Variants in HSD17B6 observed in about 807,000 individuals in gnomAD.
The protein encoded by HSD17B6 is 17-beta-hydroxysteroid dehydrogenase type 6.
In HSD17B6, 16 loss-of-function variants were observed where a neutral mutation model predicts 26.4. That is an observed-to-expected ratio of 0.61 (90% CI 0.41 to 0.92). HSD17B6 has a LOEUF of 0.92. HSD17B6 is among the 40% of genes least tolerant of loss of function. The pLI, the probability that HSD17B6 is intolerant of heterozygous loss-of-function variation, is 0.00. For synonymous variants in HSD17B6, 139 were observed against 153.0 expected, an observed-to-expected ratio of 0.91 and a Z score of 0.68; for missense variants, 357 against 386.1, an observed-to-expected ratio of 0.92 and a Z score of 0.63.
In HSD17B6 at chr12:56,787,032, T is replaced by C. The variant is rs1448618284; in HGVS notation, c.737-93T>C. ...GCACATTCTAGATCATTCTATTTTG[T>C]AGAAATTAGATGTGGTGAGACTTCT... On this transcript the variant is annotated intron_variant, in intron 4 of 4. Coordinates refer to ENST00000322165, the MANE Select transcript of HSD17B6 (RefSeq NM_003725.4). 4.3e-6 allele frequency: 4 copies of C among 922,290 alleles called. No homozygotes were observed. The African/African-American group carries it at 4.9e-5, about 11-fold the overall frequency. 57.1% of individuals were successfully genotyped at this position (922,290 alleles called of 1,614,324 possible).
rs751335033 is a variant in HSD17B6, at chr12:56,773,929, A to G, written c.77A>G (p.His26Arg). Residue 26 changes from histidine to arginine, a missense_variant, in exon 2 of 5, where the codon CAC becomes CGC. Physicochemically the swap from His to Arg is conservative, Grantham distance 29. Coordinates refer to ENST00000322165, the MANE Select transcript of HSD17B6 (RefSeq NM_003725.4). ...TACCGGGAGAGGCAGGTGGTGAGCC[A>G]CCTCCAAGACAAGTATGTCTTTATC... ...HWYRERQVVSHLQDKYVFITG... is the reference protein window; with the variant it reads ...HWYRERQVVSRLQDKYVFITG... The G allele has an allele frequency of 1.2e-6, 2 of 1,613,688 alleles. No individual in the cohort carries two copies. The highest frequency in any genetic ancestry group is 2.2e-5 in the East Asian group (1 of 44,888).
In HSD17B6 at chr12:56,776,477, AT is replaced by A. The variant is rs558997765; in HGVS notation, c.313+2320del. Among the ~76,000 whole-genome samples, 22 of 149,914 alleles carry A rather than the reference AT, an allele frequency of 1.5e-4. No homozygotes were observed. In the East Asian group the frequency reaches 2.7e-3, roughly 19 times the overall value. On this transcript the variant is annotated intron_variant, in intron 2 of 4. Transcript: ENST00000322165. ...CACCACCATGCCTGGCTAATTAAAA[AT>A]TTTTTTTCTTTTAGAGACGTCATCT...
intron 2 of HSD17B6, among the ~76,000 whole-genome samples, chr12:56,780,773 C>CG (rs1954698690): frequency 1.5e-5 from 2 of 135,490 alleles, no homozygotes; most frequent in African/African-American, 2.8e-5. Context: ...GGGGTGAACC[C>CG]GGGGGGTGGA....
intron 2 of HSD17B6, among the ~76,000 whole-genome samples, chr12:56,780,629 C>T (rs529076002): frequency 2.0e-5 from 3 of 152,080 alleles, no homozygotes; most frequent in African/African-American, 4.8e-5. Flanking sequence ...GAGGCCGAGG[C>T]GGGCAGATCA....
intron 2 of HSD17B6, among the ~76,000 whole-genome samples, chr12:56,776,296 T>A (rs934941986): frequency 9.7e-5 from 14 of 144,682 alleles, no homozygotes; most frequent in Non-Finnish European, 1.8e-4. Flanking sequence ...GATTCCTTCA[T>A]GTCTTGCCTT....
intron 3 of HSD17B6, among the ~76,000 whole-genome samples, chr12:56,783,193 G>A (rs1183348068): frequency 6.6e-6 from 1 of 151,898 alleles, no homozygotes; most frequent in African/African-American, 2.4e-5. Flanking sequence ...GGGCAGAGGG[G>A]CTCCTCACTT....
chr12:56,782,848 C>G (rs916041756), intron 3 of HSD17B6, among the ~76,000 whole-genome samples: 21 of 151,746 alleles, frequency 1.4e-4, no homozygotes, highest in South Asian at 4.2e-4. Context: ...TGACTCTTAA[C>G]GAGCATGCTG....
intron 3 of HSD17B6, among the ~76,000 whole-genome samples, chr12:56,783,810 G>A (rs1354511210): frequency 2.0e-5 from 3 of 151,012 alleles, no homozygotes; most frequent in Admixed American, 6.6e-5. Flanking sequence ...GGCTGGCCGG[G>A]CGGGGGCTGA....
At chr12:56,781,620 G>A (rs986462297) in intron 2 of HSD17B6, among the ~76,000 whole-genome samples, 4 of 152,058 alleles carry the variant, frequency 2.6e-5, no homozygotes, top group Non-Finnish European at 5.9e-5. Context: ...TAGCCAACAT[G>A]GTGAAACCCC....
intron 1 of HSD17B6, 137 bp from the exon 2 acceptor site, chr12:56,773,697 C>G: frequency 1.3e-6 from 1 of 778,798 alleles, no homozygotes; most frequent in Non-Finnish European, 1.9e-6. Context: ...AGACTGTGGC[C>G]CCTTGAGGGT....
chr12:56,778,918 G>A (rs2137919076), intron 2 of HSD17B6, among the ~76,000 whole-genome samples: 1 of 151,590 alleles, frequency 6.6e-6, no homozygotes, highest in South Asian at 2.1e-4. Flanking sequence ...CTCGGGATCC[G>A]CTCGTCTTGG....
At chr12:56,764,521 G>T (rs1284216556) in intron 1 of HSD17B6, among the ~76,000 whole-genome samples, 4 of 152,174 alleles carry the variant, frequency 2.6e-5, no homozygotes, top group Non-Finnish European at 4.4e-5. Flanking sequence ...ACATTCCCAT[G>T]GCACAGTTTC....
intron 1 of HSD17B6, among the ~76,000 whole-genome samples, chr12:56,765,660 C>G (rs1293620767): frequency 1.3e-5 from 2 of 150,882 alleles, no homozygotes; most frequent in Admixed American, 1.3e-4. Context: ...TACAGGCACT[C>G]CCCACCATGC....
At chr12:56,781,241 A>G (rs1215473228) in intron 2 of HSD17B6, among the ~76,000 whole-genome samples, 1 of 151,942 alleles carries the variant, frequency 6.6e-6, no homozygotes, top group Non-Finnish European at 1.5e-5. Flanking sequence ...CATATGTTAC[A>G]TGTTTTTACT....
intron 1 of HSD17B6, among the ~76,000 whole-genome samples, chr12:56,766,300 T>G (rs544696462): frequency 1.7e-3 from 262 of 152,304 alleles, no homozygotes; most frequent in African/African-American, 6.2e-3. Context: ...ATCTCTTCAC[T>G]GGGACGCGTG....
At chr12:56,767,697 TATTA>T (rs1954368698) in intron 1 of HSD17B6, among the ~76,000 whole-genome samples, 1 of 144,842 alleles carries the variant, frequency 6.9e-6, no homozygotes, top group African/African-American at 2.5e-5. Flanking sequence ...ATAGAGGGTA[TATTA>T]TATATACACA....
chr12:56,781,832 T>C (rs1304150982), intron 2 of HSD17B6, 142 bp from the exon 3 acceptor site: 1 of 840,906 alleles, frequency 1.2e-6, no homozygotes, highest in African/African-American at 1.7e-5. Flanking sequence ...CAAACTTGTA[T>C]GTTATATCAT....
chr12:56,777,845 G>C (rs1954626586), intron 2 of HSD17B6, among the ~76,000 whole-genome samples: 1 of 152,096 alleles, frequency 6.6e-6, no homozygotes, highest in Non-Finnish European at 1.5e-5. Flanking sequence ...AACACAGTGA[G>C]ATACCATCTC....
At chr12:56,784,631 A>C (rs1031871529) in intron 3 of HSD17B6, among the ~76,000 whole-genome samples, 25 of 152,200 alleles carry the variant, frequency 1.6e-4, no homozygotes, top group Non-Finnish European at 3.7e-4. Flanking sequence ...GCAGCAGTAC[A>C]GTCCAGCTTC....
Sources: gnomAD v4.1 joint callset for allele counts (sites outside exome capture counted in the v4.1 genomes callset) on GRCh38, gnomAD v4.1.1 for gene constraint, MANE v1.5 for transcripts, NCBI Gene and HGNC (gene_info 2026-07-23, HGNC 2026-07-21) for gene names.